ATP6V0A2: variants seen among roughly 807,000 people sequenced by gnomAD.
ATP6V0A2 encodes the protein V-type proton ATPase 116 kDa subunit a 2.
ATP6V0A2 carries 58 observed loss-of-function variants against 104.4 expected under a neutral mutation model. The observed-to-expected ratio is 0.56, with a 90% CI of 0.45 to 0.69. The LOEUF (loss-of-function observed/expected upper bound fraction) is 0.69, where lower values mean the gene tolerates loss of function less well. Among genes scored for constraint, ATP6V0A2 ranks in the 30% least tolerant of loss-of-function variants. The pLI is 0.00. For missense variants in ATP6V0A2, 938 were observed against 1,062.9 expected, an observed-to-expected ratio of 0.88 and a Z score of 1.63; for synonymous variants, 376 against 397.9, an observed-to-expected ratio of 0.95 and a Z score of 0.65.
At chr12:123,754,568 A>G (rs767610074) in intron 18 of ATP6V0A2, 31 bp downstream of exon 18, 25 of 1,506,288 alleles carry the variant, frequency 1.7e-5, no homozygotes, top group Admixed American at 1.2e-4. Context: ...GCAGTTCCCA[A>G]TGCCCTGTAG....
In ATP6V0A2 at chr12:123,747,711, A is replaced by G; in HGVS notation, c.1710A>G (p.Gly570=). The G allele has an allele frequency of 6.3e-7, 1 of 1,593,278 alleles. No individual in the cohort carries two copies. Among genetic ancestry groups the G allele is most frequent in the Non-Finnish European group, 8.6e-7 (1 of 1,161,128 alleles). ...IIHMTFGVIL[G]IFNHLHFRKK... ...ATATGACTTTTGGAGTCATTCTGGG[A>G]ATATTTAACCACTTGTAAGTACAGA... The change falls in exon 14 of 20, where the codon GGA becomes GGG. Residue 570 remains glycine, a synonymous_variant. Coordinates refer to ENST00000330342, the MANE Select transcript of ATP6V0A2 (RefSeq NM_012463.4).
At chr12:123,733,879 AGTTT>A (rs769214124) in intron 6 of ATP6V0A2, 43 bp from the exon 7 acceptor site, 1 of 1,419,312 alleles carries the variant, frequency 7.0e-7, no homozygotes, top group East Asian at 2.3e-5. Context: ...AAGTTCTAGA[AGTTT>A]ATACACGCAG....
Position 123,712,472 on chromosome 12 carries a change from T to C in ATP6V0A2, c.-94T>C. On this transcript the variant is annotated 5_prime_UTR_variant, in exon 1 of 20. Transcript: ENST00000330342. ...GCCGCGGCCAGGCCACAGGAAGAGC[T>C]CGAGGCCCGGGCCGCACCGGCTGAG... 1.3e-6 allele frequency: 1 copy of C among 765,348 alleles called. No individual in the cohort carries two copies. Among genetic ancestry groups the C allele is most frequent in the Non-Finnish European group, 1.9e-6 (1 of 522,724 alleles). The allele number at this position is 765,348 out of a possible 1,614,324, so 47.4% of individuals were successfully genotyped here.
chr12:123,756,539 G>A (rs1427489623), intron 18 of ATP6V0A2: 1 of 449,992 alleles, frequency 2.2e-6, no homozygotes. Context: ...AGTGCGCTTT[G>A]GGAGGTCACA....
chr12:123,734,165 A>T (rs1956529350), intron 7 of ATP6V0A2, among the ~76,000 whole-genome samples, 157 bp downstream of exon 7: 1 of 152,202 alleles, frequency 6.6e-6, no homozygotes, highest in South Asian at 2.1e-4. Flanking sequence ...TTAATTTGTC[A>T]TCTCTCTTAC....
intron 18 of ATP6V0A2, among the ~76,000 whole-genome samples, chr12:123,755,845 G>A (rs1274517591): frequency 6.6e-6 from 1 of 151,778 alleles, no homozygotes; most frequent in Non-Finnish European, 1.5e-5. Context: ...CACTTTGGGA[G>A]GCCTAGGCGG....
chr12:123,713,246 C>G (rs982472914), intron 1 of ATP6V0A2, among the ~76,000 whole-genome samples: 1 of 151,646 alleles, frequency 6.6e-6, no homozygotes, highest in Non-Finnish European at 1.5e-5. Flanking sequence ...CCAGACAGAG[C>G]CAGAAATGGG....
chr12:123,748,127 A>T (rs1409714981), intron 14 of ATP6V0A2, among the ~76,000 whole-genome samples: 1 of 152,194 alleles, frequency 6.6e-6, no homozygotes, highest in Non-Finnish European at 1.5e-5. Context: ...TAGAGCTAGT[A>T]TATGAAGAGT....
chr12:123,718,130 C>T (rs1956362267), intron 1 of ATP6V0A2, among the ~76,000 whole-genome samples: 1 of 151,476 alleles, frequency 6.6e-6, no homozygotes, highest in Admixed American at 6.6e-5. Context: ...TGCCCTGTTG[C>T]CCAGGTTGGA....
rs767495427 is a variant in ATP6V0A2, at chr12:123,756,862, G to A, written c.2341G>A (p.Val781Ile). 3.7e-6 allele frequency: 6 copies of A among 1,614,178 alleles called. No individual in the cohort carries two copies. Among genetic ancestry groups the A allele is most frequent in the Non-Finnish European group, 4.2e-6 (5 of 1,180,030 alleles). The change falls in exon 19 of 20, where the codon GTT (valine) becomes ATT (isoleucine). Residue 781 changes from valine (V) to isoleucine (I), a missense_variant. Val to Ile is a conservative substitution (Grantham distance 29, BLOSUM62 3). Coordinates refer to ENST00000330342, the MANE Select transcript of ATP6V0A2 (RefSeq NM_012463.4). ...CATGCTGATGCGCGTGGGCCTCCGC[G>A]TTGACACCACCTATGGCGTCTTGCT... Reference protein sequence around the residue: ...WAMLMRVGLRVDTTYGVLLLL... With the variant: ...WAMLMRVGLRIDTTYGVLLLL...
chr12:123,741,979 C>G (rs1956613828), intron 9 of ATP6V0A2, among the ~76,000 whole-genome samples: 1 of 152,130 alleles, frequency 6.6e-6, no homozygotes, highest in Non-Finnish European at 1.5e-5. Flanking sequence ...TCCTCTGTGT[C>G]TCTCTTGTGA....
At chr12:123,735,736 G>A (rs1956546965) in intron 8 of ATP6V0A2, 112 bp downstream of exon 8, 2 of 952,268 alleles carry the variant, frequency 2.1e-6, no homozygotes, top group Non-Finnish European at 3.3e-6. Flanking sequence ...AAATCAAGAT[G>A]TTCTAGTGAG....
At chr12:123,736,281 T>G (rs1956552827) in intron 8 of ATP6V0A2, among the ~76,000 whole-genome samples, 1 of 150,352 alleles carries the variant, frequency 6.7e-6, no homozygotes, top group Admixed American at 6.7e-5. Context: ...AATCTCTGCT[T>G]CCCAGGTTCA....
intron 19 of ATP6V0A2, 143 bp from the exon 20 acceptor site, chr12:123,757,784 C>T: frequency 1.6e-6 from 1 of 636,778 alleles, no homozygotes; most frequent in Non-Finnish European, 2.7e-6. Flanking sequence ...CAGTGTTTAG[C>T]TAAGTAAAAA....
In ATP6V0A2 at chr12:123,758,303, A is replaced by G. The variant is rs886049064; in HGVS notation, c.*271A>G. 2.2e-4 allele frequency: 64 copies of G among 296,400 alleles called. No homozygotes were observed. The highest frequency in any genetic ancestry group is 8.1e-5 in the Non-Finnish European group (13 of 159,708). 18.4% of individuals were successfully genotyped at this position (296,400 alleles called of 1,614,324 possible). A position where few individuals can be genotyped will look rare whatever the true frequency, so the allele number is the denominator to read the frequency against. On this transcript the variant is annotated 3_prime_UTR_variant, in exon 20 of 20. Transcript: ENST00000330342. The stretch of plus-strand genomic sequence containing the variant: ...ATGTTAAAGTTATTTTTTCAAATAC[A>G]GGATTTGGGGAGAGAAGCCAATTTT...
rs1206327613 is a variant in ATP6V0A2, at chr12:123,735,561, C to T, written c.762C>T (p.Asn254=). 1 of 1,614,000 alleles carries T rather than the reference C, an allele frequency of 6.2e-7. No individual in the cohort carries two copies. The highest frequency in any genetic ancestry group is 8.5e-7 in the Non-Finnish European group (1 of 1,179,976). ...ACTGCCACGTGTACCCCTATCCAAA[C>T]ACAGCCGAGGAGCGGAGGGAGATCC... The part of the protein sequence containing the change: ...CYHCHVYPYP[N]TAEERREIQE... Residue 254 remains asparagine (N), a synonymous_variant, in exon 8 of 20, where the codon AAC becomes AAT. Transcript: ENST00000330342.
rs117058052 is a variant in ATP6V0A2, at chr12:123,714,640, A to T, written c.117+1958A>T. ...TGAATATCAAAACAAACAGCACCAGATCTCCTCTGCCGGTTTTACTAGGTT... is the reference window on the plus strand; with the variant it reads ...TGAATATCAAAACAAACAGCACCAGTTCTCCTCTGCCGGTTTTACTAGGTT... On this transcript the variant is annotated intron_variant, in intron 1 of 19. Coordinates refer to ENST00000330342, the MANE Select transcript of ATP6V0A2 (RefSeq NM_012463.4). Among the ~76,000 whole-genome samples the T allele has an allele frequency of 9.0e-3, 1,376 of 152,274 alleles. 11 individuals are homozygous for T. The highest frequency in any genetic ancestry group is 0.015 in the Non-Finnish European group (1,034 of 68,012).
chr12:123,754,500 C>T lies in ATP6V0A2; in HGVS notation c.2256C>T (p.Ser752=), dbSNP rs1373113582. ...TGGGATGCATCTCCAACACCGCCTC[C>T]TACCTGAGGCTCTGGGCGCTTAGCC... ...YCLGCISNTA[S]YLRLWALSLA... is the part of the protein sequence containing the mutation. Residue 752 remains serine (S), a synonymous_variant, in exon 18 of 20, where the codon TCC becomes TCT. Transcript: ENST00000330342. The T allele has an allele frequency of 4.3e-6, 7 of 1,613,938 alleles. No individual in the cohort carries two copies. Among genetic ancestry groups the T allele is most frequent in the Non-Finnish European group, 5.1e-6 (6 of 1,179,922 alleles).
At chr12:123,754,764 G>A in intron 18 of ATP6V0A2, 1 of 554,746 alleles carries the variant, frequency 1.8e-6, no homozygotes, top group Non-Finnish European at 3.2e-6. Flanking sequence ...GGCTGGTCTG[G>A]CTTCAGAGCC....
Sources: allele counts gnomAD v4.1 joint callset (sites outside exome capture counted in the v4.1 genomes callset), GRCh38; gene constraint gnomAD v4.1.1; transcripts MANE v1.5; gene names NCBI Gene and HGNC (gene_info 2026-07-23, HGNC 2026-07-21).